The following LYPLAL1 variants were observed in gnomAD, a reference collection of about 807,000 sequenced individuals.
The protein encoded by LYPLAL1 is lysophospholipase like 1.
Under a neutral mutation model 19.7 loss-of-function variants are expected in LYPLAL1, and 23 were observed. The observed-to-expected ratio is 1.17, with a 90% CI of 0.84 to 1.65. The LOEUF (loss-of-function observed/expected upper bound fraction) is 1.65, where lower values mean the gene tolerates loss of function less well. Ranked by LOEUF, LYPLAL1 falls within the 40% of genes most tolerant of loss-of-function variation. The pLI is 0.00. For synonymous variants in LYPLAL1, 119 were observed against 96.3 expected (o/e 1.24, Z -1.38); for missense variants, 355 against 279.4 (o/e 1.27, Z -1.93).
intron 1 of LYPLAL1, among the ~76,000 whole-genome samples, chr1:219,178,132 A>G (rs183326654): frequency 1.4e-4 from 22 of 152,334 alleles, no homozygotes; most frequent in Admixed American, 5.9e-4. Context: ...AATAACTCAG[A>G]TAAAATACAT....
At chr1:219,345,724 A>G in the LYPLAL1 span, among the ~76,000 whole-genome samples, 6 of 152,106 alleles carry the variant, frequency 3.9e-5, no homozygotes. Flanking sequence ...CCAAACACAT[A>G]TTGGAAAGGT....
At chr1:219,191,126 G>A (rs1443654597) in intron 2 of LYPLAL1, among the ~76,000 whole-genome samples, 1 of 151,528 alleles carries the variant, frequency 6.6e-6, no homozygotes, top group African/African-American at 2.4e-5. Context: ...TGCTATTACT[G>A]CTGTGGGCAA....
At chr1:219,205,903 A>G (rs1658534907) in intron 3 of LYPLAL1, among the ~76,000 whole-genome samples, 1 of 152,226 alleles carries the variant, frequency 6.6e-6, no homozygotes, top group Non-Finnish European at 1.5e-5. Context: ...AGAGGAAAAT[A>G]AATATTTTGT....
chr1:219,430,287 CAAAA>C, the LYPLAL1 span, among the ~76,000 whole-genome samples: 5 of 69,784 alleles, frequency 7.2e-5, no homozygotes, highest in East Asian at 5.4e-4. Flanking sequence ...GATCCTAGCT[CAAAA>C]AAAAAAAAAA....
the LYPLAL1 span, among the ~76,000 whole-genome samples, chr1:219,301,175 A>C: frequency 2.2e-5 from 3 of 137,684 alleles, no homozygotes; most frequent in African/African-American, 8.1e-5. Flanking sequence ...CACAGCATGA[A>C]TTACATTACA....
chr1:219,279,263 T>C, the LYPLAL1 span, among the ~76,000 whole-genome samples: 2 of 152,252 alleles, frequency 1.3e-5, no homozygotes, highest in Non-Finnish European at 2.9e-5. Context: ...GAGAATGGCA[T>C]AGTAGGTACC....
At chr1:219,203,840 A>G (rs1453378007) in intron 3 of LYPLAL1, among the ~76,000 whole-genome samples, 1 of 152,218 alleles carries the variant, frequency 6.6e-6, no homozygotes, top group African/African-American at 2.4e-5. Context: ...AAGCAAATGC[A>G]ATAGATCTAG....
the LYPLAL1 span, among the ~76,000 whole-genome samples, chr1:219,439,857 G>A: frequency 6.6e-6 from 1 of 150,624 alleles, no homozygotes; most frequent in Admixed American, 6.6e-5. Flanking sequence ...AATCCCTAAA[G>A]GACAAAAGCA....
chr1:219,318,727 G>C, the LYPLAL1 span, among the ~76,000 whole-genome samples: 1 of 152,148 alleles, frequency 6.6e-6, no homozygotes, highest in African/African-American at 2.4e-5. Flanking sequence ...AGAAAGATAA[G>C]GGCTAATGAT....
At chr1:219,393,410 A>G in the LYPLAL1 span, among the ~76,000 whole-genome samples, 3 of 151,978 alleles carry the variant, frequency 2.0e-5, no homozygotes, top group Non-Finnish European at 2.9e-5. Context: ...GGATCCAGAT[A>G]TGCCCTGCCC....
chr1:219,441,553 G>T, the LYPLAL1 span, among the ~76,000 whole-genome samples: 1 of 152,146 alleles, frequency 6.6e-6, no homozygotes, highest in East Asian at 1.9e-4. Flanking sequence ...ACAATGAAGT[G>T]TTTTTGAAAA....
chr1:219,415,291 C>T, the LYPLAL1 span, among the ~76,000 whole-genome samples: 2 of 152,184 alleles, frequency 1.3e-5, no homozygotes, highest in Non-Finnish European at 2.9e-5. Flanking sequence ...CCTGGGGTGA[C>T]TGTAGAGCAG....
the LYPLAL1 span, among the ~76,000 whole-genome samples, chr1:219,421,784 A>T: frequency 6.6e-6 from 1 of 152,208 alleles, no homozygotes; most frequent in Non-Finnish European, 1.5e-5. Context: ...TTTCTCGGAA[A>T]AAAAGGTAGA....
intron 2 of LYPLAL1, among the ~76,000 whole-genome samples, chr1:219,186,013 A>G (rs1656693024): frequency 1.3e-5 from 2 of 151,758 alleles, no homozygotes; most frequent in African/African-American, 4.8e-5. Context: ...GATGGAAGGT[A>G]TTTTTCTGGC....
chr1:219,311,451 G>A, the LYPLAL1 span, among the ~76,000 whole-genome samples: 1 of 151,580 alleles, frequency 6.6e-6, no homozygotes, highest in Admixed American at 6.6e-5. Context: ...AACAATATCA[G>A]CATTATTCCC....
chr1:219,398,989 A>G, the LYPLAL1 span, among the ~76,000 whole-genome samples: 2 of 152,314 alleles, frequency 1.3e-5, no homozygotes, highest in South Asian at 2.1e-4. Context: ...CAGCCAAAGC[A>G]TTTCATAGTG....
intron 4 of LYPLAL1, 143 bp downstream of exon 4, chr1:219,210,790 C>A: frequency 1.5e-6 from 1 of 676,516 alleles, no homozygotes; most frequent in Non-Finnish European, 2.3e-6. Context: ...GAATTCATGG[C>A]CAAATGAGTC....
rs543280013 is a variant in LYPLAL1 at position 219,195,115 on chromosome 1, AAAT to A, written c.361+1872_361+1874del. On this transcript the variant is annotated intron_variant, in intron 3 of 4. Transcript: ENST00000366928. The stretch of plus-strand genomic sequence containing the variant: ...TTTTGCTACCTAATCTGTAAAGTGG[AAAT>A]AATAATATAATATCTGTTTACTGAG... 3.4e-3 allele frequency among the ~76,000 whole-genome samples: 512 copies of A among 152,192 alleles called. 5 individuals are homozygous for A. The highest frequency in any genetic ancestry group is 0.01 in the African/African-American group (417 of 41,546).
chr1:219,292,054 G>A, the LYPLAL1 span, among the ~76,000 whole-genome samples: 4 of 152,214 alleles, frequency 2.6e-5, no homozygotes, highest in East Asian at 1.9e-4. Flanking sequence ...TGCAGTGGGG[G>A]CCCACACAAT....
Sources: allele counts gnomAD v4.1 joint callset (sites outside exome capture counted in the v4.1 genomes callset), GRCh38; gene constraint gnomAD v4.1.1; transcripts MANE v1.5; gene names NCBI Gene and HGNC (gene_info 2026-07-23, HGNC 2026-07-21).